Variants in MPP7 observed in about 807,000 individuals in gnomAD.
MPP7 encodes MAGUK p55 subfamily member 7.
In MPP7, 60 loss-of-function variants were observed where a neutral mutation model predicts 76.5. The observed-to-expected ratio is 0.78, with a 90% CI of 0.64 to 0.97. The LOEUF is 0.97. Ranked by LOEUF, MPP7 falls within the 50% of genes least tolerant of loss-of-function variation. MPP7 has a pLI of 0.00. For missense variants in MPP7, 641 were observed against 694.0 expected, an observed-to-expected ratio of 0.92 and a Z score of 0.86; for synonymous variants, 237 against 244.5, an observed-to-expected ratio of 0.97 and a Z score of 0.29.
At chr10:28,269,878 A>G (rs1049853910) in intron 1 of MPP7, among the ~76,000 whole-genome samples, 9 of 151,976 alleles carry the variant, frequency 5.9e-5, no homozygotes, top group African/African-American at 2.2e-4. Context: ...AACTTTGATG[A>G]ACAGACAGTG....
At chr10:28,112,043 C>T (rs1242465871) in intron 11 of MPP7, among the ~76,000 whole-genome samples, 1 of 152,140 alleles carries the variant, frequency 6.6e-6, no homozygotes, top group African/African-American at 2.4e-5. Context: ...ACTATGTTGG[C>T]TTGGTTTGAC....
chr10:28,309,616 T>C (rs1001705535), intron 2 of MPP7, among the ~76,000 whole-genome samples: 7 of 152,136 alleles, frequency 4.6e-5, no homozygotes, highest in Non-Finnish European at 8.8e-5. Flanking sequence ...TCTCTGATGG[T>C]GTTTGGCTGT....
At chr10:28,308,214 T>C (rs760019624) in intron 2 of MPP7, among the ~76,000 whole-genome samples, 5 of 152,224 alleles carry the variant, frequency 3.3e-5, no homozygotes, top group South Asian at 2.1e-4. Flanking sequence ...CATTCATCCA[T>C]ACTTTACGCC....
chr10:28,119,317 C>A (rs7898270), intron 11 of MPP7, among the ~76,000 whole-genome samples: 31,879 of 151,818 alleles, frequency 0.21, 4,751 homozygotes, highest in East Asian at 0.77. Flanking sequence ...AATACCTAAC[C>A]CAAACTTCCT....
At chr10:28,137,869 C>A (rs1262535982) in intron 5 of MPP7, among the ~76,000 whole-genome samples, 2 of 152,152 alleles carry the variant, frequency 1.3e-5, no homozygotes, top group East Asian at 1.9e-4. Context: ...GACTCACAAG[C>A]ACTCACTGCA....
chr10:28,302,127 T>C (rs988006093), intron 1 of MPP7, among the ~76,000 whole-genome samples: 2 of 151,942 alleles, frequency 1.3e-5, no homozygotes, highest in African/African-American at 2.4e-5. Context: ...CTCCCACCCA[T>C]GGCACAGTGA....
chr10:28,146,905 G>A (rs1835728232), intron 5 of MPP7, among the ~76,000 whole-genome samples: 1 of 152,156 alleles, frequency 6.6e-6, no homozygotes, highest in Non-Finnish European at 1.5e-5. Flanking sequence ...GCTGTAAACT[G>A]ATCACATTTG....
chr10:28,143,279 T>C (rs1413188501), intron 5 of MPP7, among the ~76,000 whole-genome samples: 1 of 152,150 alleles, frequency 6.6e-6, no homozygotes, highest in Non-Finnish European at 1.5e-5. Context: ...CATATAAGCA[T>C]AGGAAAAGAT....
chr10:28,171,012 G>C (rs1481632445), intron 3 of MPP7, among the ~76,000 whole-genome samples: 1 of 152,128 alleles, frequency 6.6e-6, no homozygotes, highest in Non-Finnish European at 1.5e-5. Context: ...TACAACTTTA[G>C]CATTCCACAA....
chr10:28,087,636 T>G (rs974664338), intron 12 of MPP7, among the ~76,000 whole-genome samples: 1 of 152,138 alleles, frequency 6.6e-6, no homozygotes, highest in African/African-American at 2.4e-5. Flanking sequence ...CCTCAAGTGA[T>G]CCTCCTGGCT....
intron 2 of MPP7, among the ~76,000 whole-genome samples, chr10:28,231,979 C>T (rs1838900402): frequency 6.6e-6 from 1 of 152,104 alleles, no homozygotes; most frequent in Admixed American, 6.6e-5. Flanking sequence ...TACGAGCAAA[C>T]CAAATCCAGA....
Position 28,052,350 on chromosome 10 carries a change from C to T in MPP7, c.*1715G>A, listed in dbSNP as rs961290026. 5.3e-5 allele frequency: 8 copies of T among 152,030 alleles called. No individual in the cohort carries two copies. The highest frequency in any genetic ancestry group is 2.1e-4 in the South Asian group (1 of 4,834). 9.4% of individuals were successfully genotyped at this position (152,030 alleles called of 1,614,324 possible). ...CATTTTTTAAAAACAAAATTTTTTG[C>T]TATTTAATTAATACACTTAGAACTC... On this transcript the variant is annotated 3_prime_UTR_variant, in exon 17 of 17. Coordinates refer to ENST00000683449, the MANE Select transcript of MPP7 (RefSeq NM_001318170.2).
At chr10:28,264,691 T>C (rs946102867) in intron 1 of MPP7, among the ~76,000 whole-genome samples, 2 of 151,448 alleles carry the variant, frequency 1.3e-5, no homozygotes, top group Non-Finnish European at 2.9e-5. Context: ...AGCAAACATA[T>C]GGAAGTGGGA....
At chr10:28,069,595 T>A (rs1418688861) in intron 13 of MPP7, among the ~76,000 whole-genome samples, 177 bp downstream of exon 13, 1 of 138,538 alleles carries the variant, frequency 7.2e-6, no homozygotes, top group Non-Finnish European at 1.5e-5. Flanking sequence ...AGAGTGAGAC[T>A]CCATCTCAAA....
At chr10:28,285,107 G>A (rs1840762533) in intron 1 of MPP7, among the ~76,000 whole-genome samples, 1 of 151,910 alleles carries the variant, frequency 6.6e-6, no homozygotes, top group African/African-American at 2.4e-5. Context: ...CTGTTCTAAG[G>A]GACTAATCTA....
Position 28,238,510 on chromosome 10 carries a change from C to G in MPP7, c.37+58G>C. ...TTTGCTTAAAGCATGCTGTATTTCA[C>G]TGTGAACAAGATTTAAGCAAAGATG... On this transcript the variant is annotated intron_variant, in intron 2 of 16. Coordinates refer to ENST00000683449, the MANE Select transcript of MPP7 (RefSeq NM_001318170.2). 9 of 1,567,410 alleles carry G rather than the reference C, an allele frequency of 5.7e-6. No homozygotes were observed. The Admixed American group carries it at 1.5e-4, about 26-fold the overall frequency.
At chr10:28,109,867 A>AAAAAAC (rs1834447498) in intron 11 of MPP7, among the ~76,000 whole-genome samples, 1 of 149,438 alleles carries the variant, frequency 6.7e-6, no homozygotes, top group South Asian at 2.1e-4. Context: ...AAAAAAAAAA[A>AAAAAAC]AAAAAACACT....
chr10:28,237,053 T>C (rs1401253946), intron 2 of MPP7: 1 of 152,258 alleles, frequency 6.6e-6, no homozygotes, highest in Non-Finnish European at 1.5e-5. Context: ...TTTTAAATTC[T>C]TAATAGCCTA....
chr10:28,250,157 C>T (rs1839568558), intron 1 of MPP7, among the ~76,000 whole-genome samples: 1 of 152,124 alleles, frequency 6.6e-6, no homozygotes, highest in Non-Finnish European at 1.5e-5. Context: ...TTTTATTTCC[C>T]TAAACATCTC....
Sources: gnomAD v4.1 joint callset for allele counts (sites outside exome capture counted in the v4.1 genomes callset) on GRCh38, gnomAD v4.1.1 for gene constraint, MANE v1.5 for transcripts, NCBI Gene and HGNC (gene_info 2026-07-23, HGNC 2026-07-21) for gene names.